Variants in DIXDC1 observed in about 807,000 individuals in gnomAD.
DIXDC1 encodes the protein dixin.
Under a neutral mutation model 103.1 loss-of-function variants are expected in DIXDC1, and 64 were observed. The observed-to-expected ratio is 0.62, with a 90% confidence interval of 0.51 to 0.76. The LOEUF is 0.76. Ranked by LOEUF, DIXDC1 falls within the 30% of genes least tolerant of loss-of-function variation. DIXDC1 has a pLI of 0.00. For missense variants in DIXDC1, 759 were observed against 834.2 expected (o/e 0.91, Z 1.11); for synonymous variants, 266 against 298.5 (o/e 0.89, Z 1.12).
upstream of DIXDC1, among the ~76,000 whole-genome samples, chr11:111,933,823 G>T (rs782342582): frequency 2.0e-5 from 3 of 150,888 alleles, no homozygotes; most frequent in Admixed American, 6.6e-5. Context: ...CATAATAGTT[G>T]TGTTACATTT....
chr11:112,009,134 G>T (rs1392852363), intron 17 of DIXDC1, among the ~76,000 whole-genome samples: 1 of 152,062 alleles, frequency 6.6e-6, no homozygotes, highest in Non-Finnish European at 1.5e-5. Context: ...TATTACCACC[G>T]ATCCCACAGA....
intron 17 of DIXDC1, among the ~76,000 whole-genome samples, chr11:112,010,127 A>G (rs1196282824): frequency 3.3e-5 from 5 of 152,212 alleles, no homozygotes; most frequent in South Asian, 2.1e-4. Context: ...TACAAAGTCA[A>G]TGTGCAAAAA....
intron 1 of DIXDC1, among the ~76,000 whole-genome samples, chr11:111,944,508 A>G (rs1451276018): frequency 1.3e-5 from 2 of 152,250 alleles, no homozygotes; most frequent in Non-Finnish European, 2.9e-5. Context: ...GGCAGGTCCC[A>G]AAGAAAAACA....
chr11:111,990,760 G>A (rs900782138), intron 10 of DIXDC1, among the ~76,000 whole-genome samples: 9 of 152,080 alleles, frequency 5.9e-5, no homozygotes, highest in Admixed American at 5.9e-4. Flanking sequence ...GAGCTGGAGT[G>A]CAATGGTATG....
intron 17 of DIXDC1, among the ~76,000 whole-genome samples, chr11:112,008,395 G>T (rs587759428): frequency 6.6e-6 from 1 of 152,158 alleles, no homozygotes; most frequent in South Asian, 2.1e-4. Context: ...GTCAATATTA[G>T]ATCAACGAGA....
At chr11:111,963,459 T>C (rs1555171231) in intron 1 of DIXDC1, among the ~76,000 whole-genome samples, 1 of 152,226 alleles carries the variant, frequency 6.6e-6, no homozygotes, top group East Asian at 1.9e-4. Context: ...TTAATTTATG[T>C]TCAGGAAGCA....
intron 12 of DIXDC1, 109 bp downstream of exon 12, chr11:111,993,113 T>G (rs1860759994): frequency 7.9e-7 from 1 of 1,263,854 alleles, no homozygotes; most frequent in Admixed American, 2.5e-5. Context: ...TTTTTGATTT[T>G]TTTTTATCCT....
chr11:111,937,535 C>T lies in DIXDC1; in HGVS notation c.36C>T (p.Asp12=), dbSNP rs782174251. 6.3e-6 allele frequency: 10 copies of T among 1,595,918 alleles called. No homozygotes were observed. Among genetic ancestry groups the T allele is most frequent in the Non-Finnish European group, 7.7e-6 (9 of 1,171,624 alleles). Residue 12 remains aspartate, a synonymous_variant, in exon 1 of 20, where the codon GAC becomes GAT. Transcript: ENST00000440460. ...GCCTGACCCGAGGGAACTTACTGGACGTCCTGCAGGAGGGCTTCAATGAGG... is the reference window on the plus strand; with the variant it reads ...GCCTGACCCGAGGGAACTTACTGGATGTCCTGCAGGAGGGCTTCAATGAGG... ...LACLTRGNLL[D]VLQEGFNEQQ... is the part of the protein sequence containing the mutation.
chr11:112,000,907 C>T (rs1488416618), intron 17 of DIXDC1, among the ~76,000 whole-genome samples: 2 of 152,132 alleles, frequency 1.3e-5, no homozygotes, highest in Admixed American at 1.3e-4. Context: ...CTGTGGAAGA[C>T]AGTTTGGCAC....
In DIXDC1 at chr11:111,956,024, G is replaced by A. The variant is rs1362228740; in HGVS notation, c.61-8525G>A. Among the ~76,000 whole-genome samples, 9 of 96,172 alleles carry A rather than the reference G, an allele frequency of 9.4e-5. No individual in the cohort carries two copies. The South Asian group carries it at 1.0e-3, about 11-fold the overall frequency. The allele number at this position is 96,172 out of a possible 152,430, so 63.1% of individuals were successfully genotyped here. ...CACACACACACACACACACACACAC[G>A]GTGGACTATTATTCAGCCTTGAAAA... On this transcript the variant is annotated intron_variant, in intron 1 of 19. Transcript: ENST00000440460.
chr11:111,931,467 A>G (rs1966014456), intron 2 of DIXDC1, among the ~76,000 whole-genome samples: 1 of 151,928 alleles, frequency 6.6e-6, no homozygotes, highest in Admixed American at 6.6e-5. Flanking sequence ...ACATAGTGAA[A>G]CCCCATCTTT....
At chr11:111,980,418 G>A (rs1860258725) in intron 5 of DIXDC1, among the ~76,000 whole-genome samples, 2 of 152,166 alleles carry the variant, frequency 1.3e-5, no homozygotes, top group African/African-American at 4.8e-5. Flanking sequence ...GTAAAACAAA[G>A]CAAAACTTGG....
At chr11:111,970,733 G>A (rs1003363085) in intron 3 of DIXDC1, among the ~76,000 whole-genome samples, 6 of 149,880 alleles carry the variant, frequency 4.0e-5, no homozygotes, top group Non-Finnish European at 8.9e-5. Context: ...TATACTACAA[G>A]ACTACAGTAA....
intron 15 of DIXDC1, 46 bp from the exon 16 acceptor site, chr11:111,995,357 G>A: frequency 6.2e-7 from 1 of 1,602,974 alleles, no homozygotes; most frequent in Non-Finnish European, 8.5e-7. Context: ...CAGTGGTTGG[G>A]AAGTGGCACC....
At chr11:111,940,965 A>G (rs1966398259) in intron 1 of DIXDC1, among the ~76,000 whole-genome samples, 1 of 152,238 alleles carries the variant, frequency 6.6e-6, no homozygotes, top group Admixed American at 6.5e-5. Context: ...GTGAAGAGGA[A>G]GTAGCCAGGC....
chr11:111,972,224 C>T (rs1224077324), intron 3 of DIXDC1, among the ~76,000 whole-genome samples: 2 of 152,200 alleles, frequency 1.3e-5, no homozygotes, highest in Admixed American at 1.3e-4. Context: ...TTACCCATTT[C>T]GTTACATTGA....
intron 1 of DIXDC1, among the ~76,000 whole-genome samples, chr11:111,960,239 A>G (rs1472176024): frequency 1.1e-4 from 17 of 151,466 alleles, no homozygotes; most frequent in African/African-American, 3.9e-4. Context: ...AAGAAGCTGT[A>G]TGTCTTCATT....
chr11:111,986,233 A>G (rs1378703007), intron 8 of DIXDC1, among the ~76,000 whole-genome samples: 2 of 152,046 alleles, frequency 1.3e-5, no homozygotes, highest in Non-Finnish European at 2.9e-5. Flanking sequence ...ACAACTTTTC[A>G]TTGATTCCCC....
At chr11:111,996,892 A>G (rs1860918046) in intron 17 of DIXDC1, among the ~76,000 whole-genome samples, 2 of 152,182 alleles carry the variant, frequency 1.3e-5, no homozygotes, top group Admixed American at 6.5e-5. Flanking sequence ...GTTTAGTTTA[A>G]GTCCTGCAAA....
Sources: allele counts gnomAD v4.1 joint callset (sites outside exome capture counted in the v4.1 genomes callset), GRCh38; gene constraint gnomAD v4.1.1; transcripts MANE v1.5; gene names NCBI Gene and HGNC (gene_info 2026-07-23, HGNC 2026-07-21).